Variants in AUTS2 observed in about 807,000 individuals in gnomAD.
The protein encoded by AUTS2 is autism susceptibility gene 2 protein.
A neutral mutation model predicts 112.4 loss-of-function variants in AUTS2; 17 were observed. The observed-to-expected ratio is 0.15, with a 90% CI of 0.10 to 0.23. AUTS2 has a LOEUF of 0.23. AUTS2 is among the 10% of genes least tolerant of loss of function. The pLI is 1.00. For synonymous variants in AUTS2, 751 were observed against 702.7 expected, an observed-to-expected ratio of 1.07 and a Z score of -1.09; for missense variants, 1,510 against 1,701.6, an observed-to-expected ratio of 0.89 and a Z score of 1.98.
intron 5 of AUTS2, among the ~76,000 whole-genome samples, chr7:70,695,216 C>G (rs1265327993): frequency 6.6e-6 from 1 of 152,152 alleles, no homozygotes; most frequent in Non-Finnish European, 1.5e-5. Context: ...CTCCTCCCTT[C>G]TTTCCTCCCC....
intron 5 of AUTS2, among the ~76,000 whole-genome samples, chr7:70,608,476 T>C (rs936686178): frequency 1.3e-5 from 2 of 152,220 alleles, no homozygotes; most frequent in Non-Finnish European, 2.9e-5. Context: ...TAAATGCCTC[T>C]GCCCATAGTG....
At chr7:70,163,053 TTCTTG>T (rs1198248616) in intron 4 of AUTS2, among the ~76,000 whole-genome samples, 1 of 151,888 alleles carries the variant, frequency 6.6e-6, no homozygotes, top group East Asian at 1.9e-4. Context: ...GACTTTGCCT[TTCTTG>T]TGACAGGGAG....
intron 2 of AUTS2, among the ~76,000 whole-genome samples, chr7:70,002,353 A>G (rs1236919604): frequency 6.6e-6 from 1 of 152,134 alleles, no homozygotes; most frequent in African/African-American, 2.4e-5. Context: ...AACTTTTTCC[A>G]GTGGTGATTA....
At chr7:69,811,812 AG>A (rs1182169976) in intron 1 of AUTS2, among the ~76,000 whole-genome samples, 1 of 152,190 alleles carries the variant, frequency 6.6e-6, no homozygotes, top group Non-Finnish European at 1.5e-5. Flanking sequence ...CTTGTAGCAT[AG>A]TCATTTCTGT....
At chr7:69,756,872 T>C (rs1166837181) in intron 1 of AUTS2, among the ~76,000 whole-genome samples, 1 of 152,216 alleles carries the variant, frequency 6.6e-6, no homozygotes, top group Non-Finnish European at 1.5e-5. Context: ...AATTAGTGAA[T>C]GAAGATATAC....
chr7:70,463,652 C>G (rs1376820058), intron 5 of AUTS2, among the ~76,000 whole-genome samples: 1 of 152,230 alleles, frequency 6.6e-6, no homozygotes, highest in Non-Finnish European at 1.5e-5. Flanking sequence ...TCTTTCTGCC[C>G]TTCCCCAAGT....
At chr7:70,724,016 C>T (rs892434525) in intron 6 of AUTS2, among the ~76,000 whole-genome samples, 1 of 151,968 alleles carries the variant, frequency 6.6e-6, no homozygotes, top group African/African-American at 2.4e-5. Context: ...CTCAGCCTCC[C>T]GAGTAGCTGG....
At chr7:70,690,254 T>G (rs1158838256) in intron 5 of AUTS2, among the ~76,000 whole-genome samples, 1 of 152,230 alleles carries the variant, frequency 6.6e-6, no homozygotes, top group Non-Finnish European at 1.5e-5. Context: ...ACTTGGATTT[T>G]CAGAGCTTGC....
intron 1 of AUTS2, among the ~76,000 whole-genome samples, chr7:69,865,324 C>T (rs956161810): frequency 1.2e-4 from 18 of 152,144 alleles, no homozygotes; most frequent in African/African-American, 3.6e-4. Flanking sequence ...TGTTTATTTC[C>T]GAATGGTGCC....
At chr7:70,536,286 C>T (rs1800311744) in intron 5 of AUTS2, among the ~76,000 whole-genome samples, 1 of 152,132 alleles carries the variant, frequency 6.6e-6, no homozygotes. Context: ...GAGACTCCAT[C>T]TCAAAAAATT....
Position 69,797,429 on chromosome 7 carries a change from C to T in AUTS2, c.310-101857C>T, listed in dbSNP as rs542013715. Among the ~76,000 whole-genome samples, 6 of 152,314 alleles carry T rather than the reference C, an allele frequency of 3.9e-5. No individual in the cohort carries two copies. The South Asian group carries it at 1.2e-3, about 32-fold the overall frequency. On this transcript the variant is annotated intron_variant, in intron 1 of 18. Transcript: ENST00000342771. ...TGCCCACTCAGTATTTCTGGGGCTG[C>T]AAGGAAGGCAGTGGTTCCCCTTCAC...
At chr7:69,702,779 A>G (rs565384340) in intron 1 of AUTS2, among the ~76,000 whole-genome samples, 1 of 152,208 alleles carries the variant, frequency 6.6e-6, no homozygotes, top group African/African-American at 2.4e-5. Flanking sequence ...AAGATCTCCA[A>G]GTCATTGGTC....
intron 1 of AUTS2, among the ~76,000 whole-genome samples, chr7:69,758,138 G>A (rs190897931): frequency 6.6e-6 from 1 of 152,214 alleles, no homozygotes; most frequent in South Asian, 2.1e-4. Flanking sequence ...TCATTGAGGT[G>A]CTGATCCTAG....
At chr7:70,366,442 G>A (rs1197009126) in intron 4 of AUTS2, among the ~76,000 whole-genome samples, 2 of 152,172 alleles carry the variant, frequency 1.3e-5, no homozygotes, top group African/African-American at 4.8e-5. Flanking sequence ...CAAAGCAGGT[G>A]AAGGCTGTGG....
At chr7:70,663,539 C>T (rs1807182477) in intron 5 of AUTS2, among the ~76,000 whole-genome samples, 1 of 152,020 alleles carries the variant, frequency 6.6e-6, no homozygotes, top group Admixed American at 6.6e-5. Context: ...ACTCCCCTTA[C>T]AGTGTCTTAG....
intron 5 of AUTS2, among the ~76,000 whole-genome samples, chr7:70,481,640 G>A (rs879471843): frequency 2.6e-5 from 4 of 152,070 alleles, no homozygotes; most frequent in African/African-American, 7.2e-5. Flanking sequence ...TCAGTAGGTC[G>A]GCTTGTCTTC....
At chr7:70,407,866 A>G (rs1794604675) in intron 4 of AUTS2, among the ~76,000 whole-genome samples, 2 of 152,194 alleles carry the variant, frequency 1.3e-5, no homozygotes, top group South Asian at 4.2e-4. Flanking sequence ...CATCCTGGCT[A>G]ACACGGTGAA....
At chr7:70,123,629 C>G (rs1183730774) in intron 3 of AUTS2, among the ~76,000 whole-genome samples, 3 of 152,170 alleles carry the variant, frequency 2.0e-5, no homozygotes, top group Non-Finnish European at 1.5e-5. Flanking sequence ...CATTAGTTTG[C>G]TGAAGATAGT....
chr7:70,235,252 G>A (rs1812261028), intron 4 of AUTS2, among the ~76,000 whole-genome samples: 1 of 151,716 alleles, frequency 6.6e-6, no homozygotes. Context: ...TTCTGCTTCA[G>A]CCTCCTGATT....
Sources: allele counts gnomAD v4.1 joint callset (sites outside exome capture counted in the v4.1 genomes callset), GRCh38; gene constraint gnomAD v4.1.1; transcripts MANE v1.5; gene names NCBI Gene and HGNC (gene_info 2026-07-23, HGNC 2026-07-21).